DPYSL3: variants seen among roughly 807,000 people sequenced by gnomAD.
DPYSL3 encodes the protein dihydropyrimidinase like 3.
In DPYSL3, 16 loss-of-function variants were observed where a neutral mutation model predicts 66.1. That is an observed-to-expected ratio of 0.24 (90% CI 0.16 to 0.37). The LOEUF (loss-of-function observed/expected upper bound fraction) is 0.37, where lower values mean the gene tolerates loss of function less well. Among genes scored for constraint, DPYSL3 ranks in the 10% least tolerant of loss-of-function variants. The pLI is 1.00. For missense variants in DPYSL3, 738 were observed against 916.2 expected (o/e 0.81, Z 2.51); for synonymous variants, 338 against 345.1 (o/e 0.98, Z 0.23).
chr5:147,412,154 T>C (rs1377011966), intron 6 of DPYSL3, among the ~76,000 whole-genome samples: 1 of 152,260 alleles, frequency 6.6e-6, no homozygotes, highest in African/African-American at 2.4e-5. Context: ...GTGAGACCTT[T>C]GCTCCTCATG....
chr5:147,395,815 G>A (rs1166130001), intron 12 of DPYSL3, 94 bp from the exon 13 acceptor site: 12 of 1,396,206 alleles, frequency 8.6e-6, no homozygotes, highest in Middle Eastern at 1.8e-4. Context: ...ACAGTGTGTG[G>A]TGGGAGCTAG....
intron 1 of DPYSL3, among the ~76,000 whole-genome samples, chr5:147,479,250 A>G (rs1191619567): frequency 6.6e-6 from 1 of 152,216 alleles, no homozygotes; most frequent in African/African-American, 2.4e-5. Flanking sequence ...TATTTGCCCT[A>G]GGTCATAGAG....
At chr5:147,480,146 C>T (rs1036485874) in intron 1 of DPYSL3, among the ~76,000 whole-genome samples, 1 of 152,132 alleles carries the variant, frequency 6.6e-6, no homozygotes, top group African/African-American at 2.4e-5. Context: ...GAATAAAAGG[C>T]GAAAGAAAGG....
intron 1 of DPYSL3, among the ~76,000 whole-genome samples, chr5:147,497,418 A>G (rs1753535973): frequency 6.6e-6 from 1 of 152,164 alleles, no homozygotes; most frequent in Non-Finnish European, 1.5e-5. Flanking sequence ...AAATTAAAAA[A>G]AGAAAAGCAA....
chr5:147,426,253 T>G (rs1752195802), intron 1 of DPYSL3, among the ~76,000 whole-genome samples: 1 of 152,048 alleles, frequency 6.6e-6, no homozygotes, highest in Admixed American at 6.5e-5. Context: ...AGAACTTCTC[T>G]AGGTAGAAGG....
intron 1 of DPYSL3, among the ~76,000 whole-genome samples, chr5:147,447,565 C>A (rs1192213051): frequency 3.3e-5 from 5 of 152,132 alleles, no homozygotes; most frequent in African/African-American, 9.7e-5. Flanking sequence ...GAGCAGTTCG[C>A]CTCTCCTATT....
At chr5:147,396,912 T>C (rs974210209) in intron 12 of DPYSL3, among the ~76,000 whole-genome samples, 3 of 148,068 alleles carry the variant, frequency 2.0e-5, no homozygotes, top group African/African-American at 7.4e-5. Context: ...TATAATACAA[T>C]AAATACAATA....
chr5:147,430,009 C>T (rs1395868806), intron 1 of DPYSL3, among the ~76,000 whole-genome samples: 2 of 152,152 alleles, frequency 1.3e-5, no homozygotes, highest in Admixed American at 6.5e-5. Context: ...ATAAGTCTAA[C>T]ATCTTTTCCT....
intron 4 of DPYSL3, among the ~76,000 whole-genome samples, chr5:147,414,648 G>A (rs542641840): frequency 7.2e-5 from 11 of 152,286 alleles, no homozygotes; most frequent in Admixed American, 2.0e-4. Context: ...TGTTAAAGCC[G>A]TTCGATTTTC....
chr5:147,430,535 G>A (rs149029264), intron 1 of DPYSL3, among the ~76,000 whole-genome samples: 1,588 of 148,618 alleles, frequency 0.011, 18 homozygotes, highest in African/African-American at 0.037. Context: ...GAAAAAAAAG[G>A]AAAAAGAAAA....
intron 1 of DPYSL3, among the ~76,000 whole-genome samples, chr5:147,474,131 CTT>C (rs1411052492): frequency 6.6e-6 from 1 of 152,004 alleles, no homozygotes; most frequent in South Asian, 2.1e-4. Flanking sequence ...ATGAATAATA[CTT>C]TCATCACACA....
intron 1 of DPYSL3, among the ~76,000 whole-genome samples, chr5:147,506,771 C>T (rs551151727): frequency 6.6e-6 from 1 of 152,170 alleles, no homozygotes; most frequent in Admixed American, 6.5e-5. Flanking sequence ...AACTGAGGTA[C>T]CCAGAGGCTA....
At chr5:147,394,253 A>G in intron 13 of DPYSL3, 130 bp from the exon 14 acceptor site, 1 of 866,126 alleles carries the variant, frequency 1.2e-6, no homozygotes, top group Non-Finnish European at 1.8e-6. Context: ...CTCACCTCCC[A>G]AGAAACTTCC....
chr5:147,412,579 G>A, intron 6 of DPYSL3, 29 bp downstream of exon 6: 1 of 1,599,940 alleles, frequency 6.3e-7, no homozygotes, highest in Non-Finnish European at 8.5e-7. Context: ...CAGACCCAAA[G>A]CACGCTCCAG....
Position 147,489,678 on chromosome 5 carries a change from A to G in DPYSL3, c.381+19800T>C, listed in dbSNP as rs140358694. Among the ~76,000 whole-genome samples, 238 of 152,034 alleles carry G rather than the reference A, an allele frequency of 1.6e-3. 2 individuals are homozygous for G. The highest frequency in any genetic ancestry group is 5.4e-3 in the African/African-American group (223 of 41,524). On this transcript the variant is annotated intron_variant, in intron 1 of 13. Coordinates refer to ENST00000343218, the MANE Select transcript of DPYSL3 (RefSeq NM_001197294.2). ...GAGGGAGGTACTTAGGTATAGAACA[A>G]TTCTGTTCTGTTAGTTAGATCTCCG...
At chr5:147,483,250 CG>C (rs1336932647) in intron 1 of DPYSL3, among the ~76,000 whole-genome samples, 3 of 152,164 alleles carry the variant, frequency 2.0e-5, no homozygotes, top group African/African-American at 7.2e-5. Flanking sequence ...GAGCTTTCAG[CG>C]AATGCTTTTT....
intron 12 of DPYSL3, 88 bp from the exon 13 acceptor site, chr5:147,395,809 T>A: frequency 6.7e-7 from 1 of 1,481,820 alleles, no homozygotes; most frequent in South Asian, 1.2e-5. Context: ...GTGAATACAG[T>A]GTGTGGTGGG....
chr5:147,407,654 T>C (rs1751731033), intron 7 of DPYSL3, among the ~76,000 whole-genome samples: 1 of 152,134 alleles, frequency 6.6e-6, no homozygotes, highest in South Asian at 2.1e-4. Flanking sequence ...CAGCGAGAAC[T>C]GAGATAACGT....
chr5:147,453,399 G>A, intron 1 of DPYSL3: 2 of 1,245,038 alleles, frequency 1.6e-6, no homozygotes, highest in Non-Finnish European at 2.1e-6. Context: ...CGGCTGGACT[G>A]ACCGCCGCGC....
Sources: gnomAD v4.1 joint callset for allele counts (sites outside exome capture counted in the v4.1 genomes callset) on GRCh38, gnomAD v4.1.1 for gene constraint, MANE v1.5 for transcripts, NCBI Gene and HGNC (gene_info 2026-07-23, HGNC 2026-07-21) for gene names.